NUP210L: variants seen among roughly 807,000 people sequenced by gnomAD.
NUP210L encodes nuclear pore membrane glycoprotein 210-like.
Under a neutral mutation model 208.5 loss-of-function variants are expected in NUP210L, and 74 were observed. That is an observed-to-expected ratio of 0.35 (90% CI 0.29 to 0.43). The LOEUF is 0.43. Ranked by LOEUF, NUP210L falls within the 20% of genes least tolerant of loss-of-function variation. The pLI, the probability that NUP210L is intolerant of heterozygous loss-of-function variation, is 1.00. For synonymous variants in NUP210L, 780 were observed against 816.9 expected (o/e 0.95, Z 0.77); for missense variants, 1,843 against 2,289.4 (o/e 0.81, Z 3.98).
chr1:154,006,641 G>A (rs1650540284), intron 35 of NUP210L, among the ~76,000 whole-genome samples: 1 of 150,820 alleles, frequency 6.6e-6, no homozygotes, highest in Non-Finnish European at 1.5e-5. Flanking sequence ...CTACAGGCAT[G>A]TGCCACCATG....
chr1:154,094,010 A>G (rs1656061243), intron 15 of NUP210L, among the ~76,000 whole-genome samples: 2 of 152,086 alleles, frequency 1.3e-5, no homozygotes, highest in South Asian at 4.1e-4. Context: ...ATGGCTGGGC[A>G]TGGTTGCTCA....
At chr1:154,055,531 G>A (rs139083339) in intron 23 of NUP210L, among the ~76,000 whole-genome samples, 37 of 151,984 alleles carry the variant, frequency 2.4e-4, no homozygotes, top group East Asian at 9.7e-4. Context: ...GATTACAGGC[G>A]TGAGCTACCA....
chr1:154,063,695 A>G (rs1466965852), intron 17 of NUP210L, among the ~76,000 whole-genome samples: 1 of 152,182 alleles, frequency 6.6e-6, no homozygotes, highest in East Asian at 1.9e-4. Flanking sequence ...GGATAATAAT[A>G]CCAATCTCTC....
chr1:154,142,643 C>T (rs1418910463), intron 3 of NUP210L, among the ~76,000 whole-genome samples: 1 of 152,106 alleles, frequency 6.6e-6, no homozygotes, highest in African/African-American at 2.4e-5. Flanking sequence ...GTAATCCCAA[C>T]ACTTTGGGAG....
intron 16 of NUP210L, chr1:154,079,751 G>C (rs1205834425): frequency 6.7e-6 from 1 of 149,804 alleles, no homozygotes; most frequent in Non-Finnish European, 1.5e-5. Flanking sequence ...CATTGATCTT[G>C]GTCAAGGTCA....
At chr1:154,088,320 C>A (rs1159768004) in intron 16 of NUP210L, among the ~76,000 whole-genome samples, 7 of 150,748 alleles carry the variant, frequency 4.6e-5, no homozygotes, top group Admixed American at 2.0e-4. Context: ...TGCAGTGAGA[C>A]CCTGTCTCAA....
At chr1:154,022,152 A>T (rs201164320) in exon 32 of NUP210L, 1 of 1,613,950 alleles carries the variant, frequency 6.2e-7, no homozygotes, top group Non-Finnish European at 8.5e-7. Flanking sequence ...GTGAGTACTG[A>T]AGCAGATGAT....
intron 20 of NUP210L, among the ~76,000 whole-genome samples, chr1:154,060,198 C>A (rs555475808): frequency 6.6e-6 from 1 of 152,248 alleles, no homozygotes; most frequent in South Asian, 2.1e-4. Flanking sequence ...GAGATCGCAC[C>A]ACTGCACTCC....
chr1:154,005,622 T>A (rs1650481228), intron 35 of NUP210L, among the ~76,000 whole-genome samples: 1 of 150,994 alleles, frequency 6.6e-6, no homozygotes, highest in Non-Finnish European at 1.5e-5. Context: ...CCACAACCTC[T>A]GCCTCCCGGG....
chr1:154,041,605 C>T (rs1456104626), intron 27 of NUP210L, among the ~76,000 whole-genome samples: 4 of 150,976 alleles, frequency 2.6e-5, no homozygotes, highest in South Asian at 2.1e-4. Flanking sequence ...TGAACCACTG[C>T]GCCCAGCCCA....
chr1:153,992,722 A>C, exon 40 of NUP210L: 5 of 708,634 alleles, frequency 7.1e-6, no homozygotes, highest in Non-Finnish European at 1.2e-5. Flanking sequence ...CTTTATTTAT[A>C]GTTCTCAGAA....
At chr1:154,016,550 A>G (rs557578068) in intron 33 of NUP210L, among the ~76,000 whole-genome samples, 2 of 152,252 alleles carry the variant, frequency 1.3e-5, no homozygotes, top group East Asian at 3.9e-4. Flanking sequence ...CATAAAAAAA[A>G]AAATCCACAA....
intron 27 of NUP210L, among the ~76,000 whole-genome samples, chr1:154,044,150 A>T (rs969908739): frequency 6.6e-6 from 1 of 152,074 alleles, no homozygotes; most frequent in Admixed American, 6.6e-5. Flanking sequence ...TCATGCCTGT[A>T]ATCTCAGCAC....
At chr1:154,141,483 T>C (rs1271309713) in exon 4 of NUP210L, 1 of 1,613,172 alleles carries the variant, frequency 6.2e-7, no homozygotes, top group Non-Finnish European at 8.5e-7. Flanking sequence ...TGGGCAATGC[T>C]CCACTCAAAC....
intron 27 of NUP210L, among the ~76,000 whole-genome samples, chr1:154,038,784 G>A (rs1466821177): frequency 6.6e-6 from 1 of 152,048 alleles, no homozygotes; most frequent in Non-Finnish European, 1.5e-5. Context: ...TTTGATTTGA[G>A]GTTACAATAA....
intron 2 of NUP210L, among the ~76,000 whole-genome samples, chr1:154,150,972 A>G (rs986555670): frequency 6.6e-6 from 1 of 152,096 alleles, no homozygotes; most frequent in South Asian, 2.1e-4. Flanking sequence ...AATCTCATCT[A>G]TGTACACAAT....
At chr1:153,995,950 C>G in intron 37 of NUP210L, 2 of 462,564 alleles carry the variant, frequency 4.3e-6, no homozygotes, top group South Asian at 1.6e-5. Context: ...CAAGCACAGT[C>G]AGCTAAATAA....
chr1:153,996,230 A>T (rs1377252286), intron 37 of NUP210L, among the ~76,000 whole-genome samples: 10 of 151,894 alleles, frequency 6.6e-5, no homozygotes, highest in Non-Finnish European at 1.2e-4. Context: ...AGGCGGAGCT[A>T]GCAGTGAACC....
intron 12 of NUP210L, among the ~76,000 whole-genome samples, chr1:154,110,314 C>G (rs1046818434): frequency 2.0e-5 from 3 of 149,720 alleles, no homozygotes; most frequent in African/African-American, 7.5e-5. Flanking sequence ...GCTCTGTTGC[C>G]AGGCCAGAGT....
Sources: allele counts gnomAD v4.1 joint callset (sites outside exome capture counted in the v4.1 genomes callset), GRCh38; gene constraint gnomAD v4.1.1; transcripts MANE v1.5; gene names NCBI Gene and HGNC (gene_info 2026-07-23, HGNC 2026-07-21).